The following ALPP variants were observed in gnomAD, a reference collection of about 807,000 sequenced individuals.
ALPP encodes the protein alkaline phosphatase, placental, also known as alkaline phosphatase, placental type.
ALPP carries 39 observed loss-of-function variants against 50.7 expected under a neutral mutation model. That is an observed-to-expected ratio of 0.77 (90% CI 0.60 to 1.00). The LOEUF is 1.00. Among genes scored for constraint, ALPP ranks in the 50% least tolerant of loss-of-function variants. The probability of loss-of-function intolerance (pLI) is 0.00; values close to 1 mark genes in which losing one functional copy is unlikely to be tolerated. For missense variants in ALPP, 550 were observed against 746.8 expected, an observed-to-expected ratio of 0.74 and a Z score of 3.07; for synonymous variants, 226 against 320.3, an observed-to-expected ratio of 0.71 and a Z score of 3.14.
In ALPP at chr2:232,378,879, G is replaced by A; in HGVS notation, c.76+1G>A. 6.2e-7 allele frequency: 1 copy of A among 1,613,826 alleles called. No homozygotes were observed. Among genetic ancestry groups the A allele is most frequent in the African/African-American group, 1.3e-5 (1 of 74,862 alleles). On this transcript the variant is annotated splice_donor_variant, in intron 1 of 10. Transcript: ENST00000392027. LOFTEE classifies it high-confidence loss of function. Reference sequence around the variant, plus strand: ...CAGCTCTCCCTGGGCATCATCCCAGGTAATGAGGCTCCCCGAGCTGCCCCT... The same window carrying A: ...CAGCTCTCCCTGGGCATCATCCCAGATAATGAGGCTCCCCGAGCTGCCCCT...
At chr2:232,380,142 C>A in intron 5 of ALPP, 44 bp from the exon 6 acceptor site, 2 of 1,613,350 alleles carry the variant, frequency 1.2e-6, no homozygotes, top group Non-Finnish European at 1.7e-6. Context: ...GGGCACGGGG[C>A]CAGCCAGGGC....
At position 232,378,987 on chromosome 2, in the gene ALPP, G is replaced by A. The variant is rs557880924; in HGVS notation, c.93G>A (p.Pro31=). 2.0e-5 allele frequency: 32 copies of A among 1,614,126 alleles called. No individual in the cohort carries two copies. The highest frequency in any genetic ancestry group is 1.7e-4 in the Middle Eastern group (1 of 6,050). The part of the protein sequence containing the change: ...LGIIPVEEEN[P]DFWNREAAEA... ...CCTGGCCAGTTGAGGAGGAGAACCCGGACTTCTGGAACCGCGAGGCAGCCG... is the reference window on the plus strand; with the variant it reads ...CCTGGCCAGTTGAGGAGGAGAACCCAGACTTCTGGAACCGCGAGGCAGCCG... Residue 31 remains proline, a synonymous_variant, in exon 2 of 11, where the codon CCG becomes CCA. Transcript: ENST00000392027.
In ALPP at chr2:232,379,081, G is replaced by T. The variant is rs377004485; in HGVS notation, c.187G>T (p.Gly63Cys). Residue 63 changes from glycine (G) to cysteine (C), a missense_variant, in exon 2 of 11, where the codon GGC (glycine) becomes TGC (cysteine). By Grantham distance (159) the Gly-to-Cys change is radical. Around this residue, in one of 5 missense-constraint regions of ALPP, gnomAD observed 376 missense variants for 388.5 expected, o/e 0.97. Transcript: ENST00000392027. ...TAAKNLIIFL[G>C]DGMGVSTVTA... is the part of the protein sequence containing the mutation. ...CGCCAAGAACCTCATCATCTTCCTGGGCGATGGTGAGTGAGCCAGGCCTTC... is the reference window on the plus strand; with the variant it reads ...CGCCAAGAACCTCATCATCTTCCTGTGCGATGGTGAGTGAGCCAGGCCTTC... 3.1e-6 allele frequency: 5 copies of T among 1,613,950 alleles called. No homozygotes were observed. In the African/African-American group the frequency reaches 6.7e-5, roughly 22 times the overall value.
In ALPP at chr2:232,380,493, G is replaced by A. The variant is rs1696686505; in HGVS notation, c.865+1G>A. 1 of 1,613,938 alleles carries A rather than the reference G, an allele frequency of 6.2e-7. No homozygotes were observed. Among genetic ancestry groups the A allele is most frequent in the Non-Finnish European group, 8.5e-7 (1 of 1,179,962 alleles). On this transcript the variant is annotated splice_donor_variant, in intron 7 of 10. Transcript: ENST00000392027. LOFTEE classifies it high-confidence loss of function. Reference sequence around the variant, plus strand: ...GACCCGTCTGTGACCCATCTCATGGGTAATGACCCCCTTCCTGCCCTGGCA... The same window carrying A: ...GACCCGTCTGTGACCCATCTCATGGATAATGACCCCCTTCCTGCCCTGGCA...
Position 232,379,335 on chromosome 2 carries a change from A to G in ALPP, c.309+20A>G. ...TCCAAGGTAAGTGCTGGGCTACCTT[A>G]GAGTCCTCCAAGCACAGAAGGGGAA... On this transcript the variant is annotated intron_variant, in intron 3 of 10. Coordinates refer to ENST00000392027, the MANE Select transcript of ALPP (RefSeq NM_001632.5). 1 of 1,613,080 alleles carries G rather than the reference A, an allele frequency of 6.2e-7. No homozygotes were observed. Among genetic ancestry groups the G allele is most frequent in the Non-Finnish European group, 8.5e-7 (1 of 1,179,414 alleles).
intron 2 of ALPP, 53 bp downstream of exon 2, chr2:232,379,140 AC>A: frequency 6.2e-7 from 1 of 1,613,868 alleles, no homozygotes; most frequent in South Asian, 1.1e-5. Context: ...CGGCGCCCGG[AC>A]CCTCAGTGGT....
chr2:232,380,024 C>T, intron 5 of ALPP, 88 bp downstream of exon 5: 1 of 1,561,678 alleles, frequency 6.4e-7, no homozygotes, highest in Non-Finnish European at 8.7e-7. Flanking sequence ...AAAGCCTTAT[C>T]TGGGCCAGCA....
Position 232,381,954 on chromosome 2 carries a change from G to C in ALPP, c.*159G>C. ...CCCCTCCCCGTGCGCTCTGGGGACT[G>C]AGCCCATGACACCAAACCTGCCCCT... On this transcript the variant is annotated 3_prime_UTR_variant, in exon 11 of 11. Transcript: ENST00000392027. 1 of 1,236,112 alleles carries C rather than the reference G, an allele frequency of 8.1e-7. No homozygotes were observed. The highest frequency in any genetic ancestry group is 1.1e-6 in the Non-Finnish European group (1 of 916,224). The allele number at this position is 1,236,112 out of a possible 1,614,324, so 76.6% of individuals were successfully genotyped here. A position where few individuals can be genotyped will look rare whatever the true frequency, so the allele number is the denominator to read the frequency against.
At position 232,379,638 on chromosome 2, in the gene ALPP, G is replaced by C; in HGVS notation, c.435G>C (p.Thr145=). The change falls in exon 4 of 11, where the codon ACG becomes ACC. Residue 145 remains threonine, a synonymous_variant. Coordinates refer to ENST00000392027, the MANE Select transcript of ALPP (RefSeq NM_001632.5). ...CCGCCCGCTTTAACCAGTGCAACAC[G>C]ACACGCGGCAACGAGGTCATCTCCG... ...SAAARFNQCN[T]TRGNEVISVM... The C allele has an allele frequency of 1.2e-6, 2 of 1,613,916 alleles. No homozygotes were observed. Among genetic ancestry groups the C allele is most frequent in the Non-Finnish European group, 8.5e-7 (1 of 1,179,972 alleles).
At position 232,380,511 on chromosome 2, in the gene ALPP, C is replaced by T. The variant is rs772655182; in HGVS notation, c.865+19C>T. 14 of 1,613,910 alleles carry T rather than the reference C, an allele frequency of 8.7e-6. No homozygotes were observed. The highest frequency in any genetic ancestry group is 2.2e-5 in the South Asian group (2 of 91,058). On this transcript the variant is annotated intron_variant, in intron 7 of 10. Transcript: ENST00000392027. ...CTCATGGGTAATGACCCCCTTCCTG[C>T]CCTGGCATCCCTCAGATGGCCTCAG... is the stretch of plus-strand genomic sequence containing the variant.
rs1361782038 is a variant in ALPP at position 232,381,651 on chromosome 2, C to G, written c.1464C>G (p.Ala488=). 1.4e-5 allele frequency: 22 copies of G among 1,611,328 alleles called. No individual in the cohort carries two copies. The East Asian group carries it at 4.9e-4, about 36-fold the overall frequency. ...TFIAHVMAFA[A]CLEPYTACDL... is the part of the protein sequence containing the mutation. ...TAGCGCACGTCATGGCCTTCGCCGCCTGCCTGGAGCCCTACACCGCCTGCG... is the reference window on the plus strand; with the variant it reads ...TAGCGCACGTCATGGCCTTCGCCGCGTGCCTGGAGCCCTACACCGCCTGCG... The change falls in exon 11 of 11, where the codon GCC becomes GCG. Residue 488 remains alanine, a synonymous_variant. Transcript: ENST00000392027.
Position 232,380,460 on chromosome 2 carries a change from C to T in ALPP, c.833C>T (p.Ala278Val), listed in dbSNP as rs1204269013. The T allele has an allele frequency of 1.2e-6, 2 of 1,613,962 alleles. No individual in the cohort carries two copies. Among genetic ancestry groups the T allele is most frequent in the South Asian group, 1.1e-5 (1 of 91,048 alleles). Residue 278 changes from alanine (A) to valine (V), a missense_variant, in exon 7 of 11, where the codon GCT (alanine) becomes GTT (valine). This residue lies in a region of ALPP where 376 missense variants were observed against 388.5 expected (regional missense o/e 0.97). Transcript: ENST00000392027. ...TGGAACCGCACTGAGCTCATGCAGG[C>T]TTCCCTGGACCCGTCTGTGACCCAT... ...YVWNRTELMQ[A>V]SLDPSVTHLM...
chr2:232,381,701 C>T lies in ALPP; in HGVS notation c.1514C>T (p.Thr505Ile). Residue 505 changes from threonine (T) to isoleucine (I), a missense_variant, in exon 11 of 11, where the codon ACC becomes ATC. By Grantham distance (89) the Thr-to-Ile change is moderately conservative. This residue lies in a region of ALPP where 155 missense variants were observed against 167.6 expected (regional missense o/e 0.92). Coordinates refer to ENST00000392027, the MANE Select transcript of ALPP (RefSeq NM_001632.5). ...GACCTGGCGCCCCCCGCCGGCACCA[C>T]CGACGCCGCGCACCCGGGGCGGTCC... ...ACDLAPPAGT[T>I]DAAHPGRSVV... The T allele has an allele frequency of 6.2e-7, 1 of 1,607,428 alleles. No homozygotes were observed. Among genetic ancestry groups the T allele is most frequent in the Non-Finnish European group, 8.5e-7 (1 of 1,177,962 alleles).
intron 3 of ALPP, 28 bp from the exon 4 acceptor site, chr2:232,379,485 G>C: frequency 1.2e-6 from 2 of 1,613,536 alleles, no homozygotes; most frequent in Non-Finnish European, 1.7e-6. Context: ...CTGCCCCAGA[G>C]AAGAGCTCAG....
chr2:232,381,630 G>T lies in ALPP; in HGVS notation c.1443G>T (p.Ala481=). The T allele has an allele frequency of 6.2e-7, 1 of 1,612,216 alleles. No individual in the cohort carries two copies. Among genetic ancestry groups the T allele is most frequent in the African/African-American group, 1.3e-5 (1 of 75,006 alleles). ...VHGVQEQTFI[A]HVMAFAACLE... is the part of the protein sequence containing the mutation. ...GCGTGCAGGAGCAGACCTTCATAGC[G>T]CACGTCATGGCCTTCGCCGCCTGCC... is the stretch of plus-strand genomic sequence containing the variant. The change falls in exon 11 of 11, where the codon GCG becomes GCT. Residue 481 remains alanine (A), a synonymous_variant. Coordinates refer to ENST00000392027, the MANE Select transcript of ALPP (RefSeq NM_001632.5).
chr2:232,382,004 C>T lies in ALPP; in HGVS notation c.*209C>T. The T allele has an allele frequency of 2.4e-6, 2 of 843,110 alleles. No individual in the cohort carries two copies. Among genetic ancestry groups the T allele is most frequent in the South Asian group, 3.7e-5 (2 of 54,768 alleles). 52.2% of individuals were successfully genotyped at this position (843,110 alleles called of 1,614,324 possible). A position where few individuals can be genotyped will look rare whatever the true frequency, so the allele number is the denominator to read the frequency against. The stretch of plus-strand genomic sequence containing the variant: ...TTGGCTGCTCTCGGACTCCCTACCC[C>T]AACCCCAGGGACTGCAGGTTGTGCC... On this transcript the variant is annotated 3_prime_UTR_variant, in exon 11 of 11. Coordinates refer to ENST00000392027, the MANE Select transcript of ALPP (RefSeq NM_001632.5).
rs766177947 is a variant in ALPP at position 232,379,215 on chromosome 2, C to T, written c.209C>T (p.Thr70Met). Reference protein sequence around the residue: ...IFLGDGMGVSTVTAARILKGQ... With the variant: ...IFLGDGMGVSMVTAARILKGQ... Reference sequence around the variant, plus strand: ...GTTCCTTCAGGGATGGGGGTGTCTACGGTGACAGCTGCCAGGATCCTAAAA... The same window carrying T: ...GTTCCTTCAGGGATGGGGGTGTCTATGGTGACAGCTGCCAGGATCCTAAAA... Residue 70 changes from threonine (T) to methionine (M), a missense_variant, in exon 3 of 11, where the codon ACG becomes ATG. By Grantham distance (81) the Thr-to-Met change is moderately conservative. This residue lies in a region of ALPP where 376 missense variants were observed against 388.5 expected (regional missense o/e 0.97). Coordinates refer to ENST00000392027, the MANE Select transcript of ALPP (RefSeq NM_001632.5). 46 of 1,613,954 alleles carry T rather than the reference C, an allele frequency of 2.9e-5. No individual in the cohort carries two copies. Among genetic ancestry groups the T allele is most frequent in the Middle Eastern group, 1.6e-4 (1 of 6,084 alleles).
chr2:232,381,577 C>G lies in ALPP; in HGVS notation c.1390C>G (p.Arg464Gly). Residue 464 changes from arginine (R) to glycine (G), a missense_variant, in exon 11 of 11, where the codon CGC (arginine) becomes GGC (glycine). This residue lies in a region of ALPP where 155 missense variants were observed against 167.6 expected (regional missense o/e 0.92). Coordinates refer to ENST00000392027, the MANE Select transcript of ALPP (RefSeq NM_001632.5). ...HAGEDVAVFA[R>G]GPQAHLVHGV... ...AGGCGAGGACGTGGCGGTGTTCGCG[C>G]GCGGCCCGCAGGCGCACCTGGTTCA... 1 of 1,612,754 alleles carries G rather than the reference C, an allele frequency of 6.2e-7. No individual in the cohort carries two copies. Among genetic ancestry groups the G allele is most frequent in the Non-Finnish European group, 8.5e-7 (1 of 1,179,720 alleles).
Position 232,381,709 on chromosome 2 carries a change from G to C in ALPP, c.1522G>C (p.Ala508Pro). Residue 508 changes from alanine (A) to proline (P), a missense_variant, in exon 11 of 11, where the codon GCG (alanine) becomes CCG (proline). Ala to Pro is a conservative substitution (Grantham distance 27). Around this residue, in one of 5 missense-constraint regions of ALPP, gnomAD observed 155 missense variants for 167.6 expected, o/e 0.92. Transcript: ENST00000392027. The stretch of plus-strand genomic sequence containing the variant: ...GCCCCCCGCCGGCACCACCGACGCC[G>C]CGCACCCGGGGCGGTCCGTGGTCCC... ...LAPPAGTTDA[A>P]HPGRSVVPAL... 3 of 1,605,542 alleles carry C rather than the reference G, an allele frequency of 1.9e-6. No homozygotes were observed. Among genetic ancestry groups the C allele is most frequent in the Non-Finnish European group, 1.7e-6 (2 of 1,177,222 alleles).
Sources: allele counts gnomAD v4.1 joint callset, GRCh38; gene constraint gnomAD v4.1.1; regional missense constraint gnomAD v4.1.1; transcripts MANE v1.5; gene names NCBI Gene and HGNC (gene_info 2026-07-23, HGNC 2026-07-21).